Variants in LPIN2 observed in about 807,000 individuals in gnomAD.
LPIN2 encodes the protein lipin 2, also known as phosphatidate phosphatase LPIN2.
A neutral mutation model predicts 111.4 loss-of-function variants in LPIN2; 55 were observed. That is an observed-to-expected ratio of 0.49 (90% CI 0.40 to 0.62). The LOEUF is 0.62. LPIN2 is among the 20% of genes least tolerant of loss of function. LPIN2 has a pLI of 0.00. For missense variants in LPIN2, 992 were observed against 1,112.1 expected, an observed-to-expected ratio of 0.89 and a Z score of 1.54; for synonymous variants, 425 against 414.0, an observed-to-expected ratio of 1.03 and a Z score of -0.32.
intron 1 of LPIN2, among the ~76,000 whole-genome samples, chr18:2,965,119 T>C (rs2077774361): frequency 1.3e-5 from 2 of 152,064 alleles, no homozygotes; most frequent in South Asian, 4.1e-4. Context: ...AAGAAGTACT[T>C]ATTGATTACT....
chr18:2,954,715 T>G (rs947390127), intron 2 of LPIN2, 116 bp from the exon 3 acceptor site: 8 of 781,508 alleles, frequency 1.0e-5, no homozygotes, highest in Non-Finnish European at 1.3e-5. Context: ...TTCCTAGAAC[T>G]ACAGCCTCTG....
chr18:2,960,912 T>C, intron 1 of LPIN2, 63 bp from the exon 2 acceptor site: 1 of 1,328,708 alleles, frequency 7.5e-7, no homozygotes. Flanking sequence ...GACAAAGAAA[T>C]AACAGTCGTA....
At chr18:2,970,766 T>G (rs2077895202) in intron 1 of LPIN2, among the ~76,000 whole-genome samples, 1 of 152,218 alleles carries the variant, frequency 6.6e-6, no homozygotes, top group African/African-American at 2.4e-5. Context: ...TTTTTAAAAA[T>G]GAGAAAATAT....
intron 4 of LPIN2, among the ~76,000 whole-genome samples, chr18:2,941,574 A>T (rs945068347): frequency 6.6e-6 from 1 of 152,210 alleles, no homozygotes; most frequent in Non-Finnish European, 1.5e-5. Context: ...TTCAGAGTCA[A>T]TGTGAGAGTT....
chr18:2,955,925 C>CAAACA (rs1159035371), intron 2 of LPIN2, among the ~76,000 whole-genome samples: 1 of 149,784 alleles, frequency 6.7e-6, no homozygotes, highest in Non-Finnish European at 1.5e-5. Flanking sequence ...AAAAGAAAAA[C>CAAACA]AAACAAAACA....
intron 2 of LPIN2, among the ~76,000 whole-genome samples, chr18:2,958,761 C>A (rs1032949532): frequency 2.6e-5 from 4 of 152,088 alleles, no homozygotes; most frequent in Non-Finnish European, 5.9e-5. Context: ...AGCTTTTGCA[C>A]AGGAATTGTA....
chr18:2,971,246 G>T (rs916249716), intron 1 of LPIN2, among the ~76,000 whole-genome samples: 2 of 152,186 alleles, frequency 1.3e-5, no homozygotes, highest in East Asian at 3.8e-4. Context: ...GATGTTTCAG[G>T]TTCCCTGGGT....
intron 2 of LPIN2, among the ~76,000 whole-genome samples, chr18:2,955,145 G>C (rs1001500041): frequency 6.6e-6 from 1 of 152,088 alleles, no homozygotes; most frequent in South Asian, 2.1e-4. Flanking sequence ...GTAATATCAT[G>C]TCAAAAAAAA....
rs1028807113 is a variant in LPIN2 at position 2,974,035 on chromosome 18, G to A, written c.-9-13186C>T. ...ATTTTATTTGGATATTTTAAAACGGGATTGCTAAGATATCTTTTTACAAAG... is the reference window on the plus strand; with the variant it reads ...ATTTTATTTGGATATTTTAAAACGGAATTGCTAAGATATCTTTTTACAAAG... On this transcript the variant is annotated intron_variant, in intron 1 of 19. Transcript: ENST00000677752. Among the ~76,000 whole-genome samples, 6 of 152,180 alleles carry A rather than the reference G, an allele frequency of 3.9e-5. No homozygotes were observed. The East Asian group carries it at 1.2e-3, about 29-fold the overall frequency.
chr18:2,999,674 T>C (rs1323526675), intron 1 of LPIN2, among the ~76,000 whole-genome samples: 1 of 150,842 alleles, frequency 6.6e-6, no homozygotes, highest in Non-Finnish European at 1.5e-5. Context: ...GCCATGTGAA[T>C]ATAAAGGCAG....
chr18:2,994,590 C>G (rs947129511), intron 1 of LPIN2, among the ~76,000 whole-genome samples: 3 of 152,200 alleles, frequency 2.0e-5, no homozygotes, highest in African/African-American at 7.2e-5. Flanking sequence ...TCCATCCCCT[C>G]GAACATTTAT....
At chr18:2,951,032 C>G in intron 4 of LPIN2, 23 bp downstream of exon 4, 1 of 1,613,604 alleles carries the variant, frequency 6.2e-7, no homozygotes, top group Non-Finnish European at 8.5e-7. Flanking sequence ...CGCACAAGAC[C>G]CTTCCCAGGC....
At position 2,919,783 on chromosome 18, in the gene LPIN2, T is replaced by G; in HGVS notation, c.*510A>C. ...CCACTGGAGCAGCTGACCCCTTCAG[T>G]GTAGCAGGAAATGAGGCGACCAGAG... On this transcript the variant is annotated 3_prime_UTR_variant, in exon 20 of 20. Transcript: ENST00000677752. 2 of 200,382 alleles carry G rather than the reference T, an allele frequency of 1.0e-5. No individual in the cohort carries two copies. Among genetic ancestry groups the G allele is most frequent in the Non-Finnish European group, 1.0e-5 (1 of 96,526 alleles). The allele number at this position is 200,382 out of a possible 1,614,324, so 12.4% of individuals were successfully genotyped here.
chr18:2,926,899 C>T, intron 12 of LPIN2, 94 bp from the exon 13 acceptor site: 2 of 905,798 alleles, frequency 2.2e-6, no homozygotes, highest in Non-Finnish European at 1.8e-6. Context: ...AACACAACTG[C>T]CTTCTGAACC....
At chr18:2,964,529 T>C (rs1408646344) in intron 1 of LPIN2, among the ~76,000 whole-genome samples, 1 of 152,156 alleles carries the variant, frequency 6.6e-6, no homozygotes, top group Non-Finnish European at 1.5e-5. Context: ...TCTCTTTCCT[T>C]TCCTCGTGAG....
intron 8 of LPIN2, 82 bp from the exon 9 acceptor site, chr18:2,931,525 C>CA: frequency 7.3e-7 from 1 of 1,369,214 alleles, no homozygotes; most frequent in Non-Finnish European, 1.0e-6. Context: ...TCTGGGGGCT[C>CA]AAACCAAATA....
intron 11 of LPIN2, 49 bp downstream of exon 11, chr18:2,928,542 A>G (rs1195780827): frequency 6.5e-7 from 1 of 1,545,062 alleles, no homozygotes; most frequent in Non-Finnish European, 9.0e-7. Context: ...TGTAAGTACT[A>G]GACACTGCGG....
At chr18:3,012,490 G>A (rs2078621403) in intron 1 of LPIN2, among the ~76,000 whole-genome samples, 1 of 86,336 alleles carries the variant, frequency 1.2e-5, no homozygotes, top group South Asian at 4.0e-4. Context: ...ATCTGCACCG[G>A]GGGCTGGGGG....
intron 1 of LPIN2, among the ~76,000 whole-genome samples, chr18:2,970,615 T>G (rs924954709): frequency 6.6e-6 from 1 of 152,250 alleles, no homozygotes; most frequent in Non-Finnish European, 1.5e-5. Context: ...AGATCCTGAC[T>G]GGATAAAGCC....
Sources: gnomAD v4.1 joint callset for allele counts (sites outside exome capture counted in the v4.1 genomes callset) on GRCh38, gnomAD v4.1.1 for gene constraint, MANE v1.5 for transcripts, NCBI Gene and HGNC (gene_info 2026-07-23, HGNC 2026-07-21) for gene names.